The following ARHGAP15 variants were observed in gnomAD, a reference collection of about 807,000 sequenced individuals.
ARHGAP15 encodes the protein rho GTPase-activating protein 15.
A neutral mutation model predicts 63.7 loss-of-function variants in ARHGAP15; 51 were observed. That is an observed-to-expected ratio of 0.80 (90% CI 0.64 to 1.01). ARHGAP15 has a LOEUF of 1.01. Ranked by LOEUF, ARHGAP15 falls within the 50% of genes least tolerant of loss-of-function variation. The pLI is 0.00. For synonymous variants in ARHGAP15, 191 were observed against 193.8 expected (o/e 0.99, Z 0.12); for missense variants, 560 against 564.6 (o/e 0.99, Z 0.08).
At chr2:143,491,457 G>A (rs1374416002) in intron 9 of ARHGAP15, among the ~76,000 whole-genome samples, 1 of 152,170 alleles carries the variant, frequency 6.6e-6, no homozygotes, top group African/African-American at 2.4e-5. Flanking sequence ...GAAATGTTTA[G>A]TGTTTAGAAA....
chr2:143,375,461 T>G (rs972031010), intron 6 of ARHGAP15, among the ~76,000 whole-genome samples: 1 of 152,190 alleles, frequency 6.6e-6, no homozygotes, highest in Admixed American at 6.6e-5. Context: ...ATCACAGTTC[T>G]GCCAAGCACT....
chr2:143,213,600 ATAC>A (rs1692637913), intron 3 of ARHGAP15, among the ~76,000 whole-genome samples: 1 of 152,250 alleles, frequency 6.6e-6, no homozygotes, highest in South Asian at 2.1e-4. Flanking sequence ...GGACATAGAT[ATAC>A]TACGTGTAGA....
intron 9 of ARHGAP15, among the ~76,000 whole-genome samples, chr2:143,513,025 T>C (rs1693658044): frequency 6.6e-6 from 1 of 152,224 alleles, no homozygotes; most frequent in Non-Finnish European, 1.5e-5. Context: ...TGGTGACCTT[T>C]GATGTAACCA....
At chr2:143,625,789 G>A (rs1227903930) in intron 12 of ARHGAP15, among the ~76,000 whole-genome samples, 1 of 152,150 alleles carries the variant, frequency 6.6e-6, no homozygotes, top group African/African-American at 2.4e-5. Flanking sequence ...ATTTCTGATT[G>A]TGTACATTTA....
Position 143,253,628 on chromosome 2 carries a change from G to T in ARHGAP15, c.474+3028G>T, listed in dbSNP as rs149546465. On this transcript the variant is annotated intron_variant, in intron 6 of 13. Coordinates refer to ENST00000295095, the MANE Select transcript of ARHGAP15 (RefSeq NM_018460.4). ...ATATTTTATAACAGCACACTCTTTG[G>T]CCTAATTGGTACTTCTTAACAATAA... Among the ~76,000 whole-genome samples the T allele has an allele frequency of 4.7e-3, 713 of 151,652 alleles. 5 individuals are homozygous for T. The highest frequency in any genetic ancestry group is 0.012 in the Admixed American group (187 of 15,206).
chr2:143,210,888 C>A (rs934549790), intron 3 of ARHGAP15, among the ~76,000 whole-genome samples: 1 of 151,238 alleles, frequency 6.6e-6, no homozygotes, highest in African/African-American at 2.4e-5. Context: ...TTTGGTTTAC[C>A]ACTTCTTAAA....
chr2:143,626,099 T>C (rs2105244674), intron 12 of ARHGAP15, among the ~76,000 whole-genome samples: 1 of 152,268 alleles, frequency 6.6e-6, no homozygotes. Context: ...TTCAGAAATA[T>C]AGGCATGGTA....
In ARHGAP15 at chr2:143,768,120, C is replaced by T. The variant is rs1363163609; in HGVS notation, c.1376C>T (p.Ala459Val). 6.2e-7 allele frequency: 1 copy of T among 1,613,804 alleles called. No homozygotes were observed. The highest frequency in any genetic ancestry group is 1.7e-5 in the Admixed American group (1 of 59,988). Reference sequence around the variant, plus strand: ...CACATGGTCTACCAGAACCAGATAGCTGAGCTCATGCTGAGTGAGTACAGT... The same window carrying T: ...CACATGGTCTACCAGAACCAGATAGTTGAGCTCATGCTGAGTGAGTACAGT... ...AIHMVYQNQI[A>V]ELMLSEYSKI... Residue 459 changes from alanine (A) to valine (V), a missense_variant, in exon 14 of 14, where the codon GCT becomes GTT. Transcript: ENST00000295095.
rs549517308 is a variant in ARHGAP15, at chr2:143,546,206, C to T, written c.926-10202C>T. Among the ~76,000 whole-genome samples the T allele has an allele frequency of 9.2e-5, 14 of 151,960 alleles. No individual in the cohort carries two copies. In the South Asian group the frequency reaches 2.5e-3, roughly 27 times the overall value. ...TCCCAGCCAATGTTTAGAAAAAAAT[C>T]CAATGGAAAACAATGAGGTCACTTT... is the stretch of plus-strand genomic sequence containing the variant. On this transcript the variant is annotated intron_variant, in intron 10 of 13. Transcript: ENST00000295095.
chr2:143,626,733 C>A (rs1364832819), intron 12 of ARHGAP15, among the ~76,000 whole-genome samples: 1 of 152,130 alleles, frequency 6.6e-6, no homozygotes. Context: ...CATTTACAAT[C>A]CCCCTGCTAG....
chr2:143,460,636 T>C (rs1287288771), intron 8 of ARHGAP15, among the ~76,000 whole-genome samples: 2 of 152,196 alleles, frequency 1.3e-5, no homozygotes, highest in Non-Finnish European at 2.9e-5. Context: ...TTCTTTTTAA[T>C]ATCATTTTTT....
intron 2 of ARHGAP15, among the ~76,000 whole-genome samples, chr2:143,201,624 G>T (rs1692121936): frequency 6.6e-6 from 1 of 152,090 alleles, no homozygotes; most frequent in Non-Finnish European, 1.5e-5. Context: ...CAAGCTTGGT[G>T]GTTGATGCTG....
rs1698792138 is a variant in ARHGAP15, at chr2:143,625,272, C to T, written c.1138+1005C>T. Among the ~76,000 whole-genome samples the T allele has an allele frequency of 2.0e-5, 3 of 152,120 alleles. No homozygotes were observed. In the South Asian group the frequency reaches 6.2e-4, roughly 31 times the overall value. ...TGGATGGCTGGGTATGAAGTGTTCC[C>T]ATTAGCACAAGTGGAGATTTGGGGG... On this transcript the variant is annotated intron_variant, in intron 12 of 13. Transcript: ENST00000295095.
intron 12 of ARHGAP15, among the ~76,000 whole-genome samples, chr2:143,672,472 T>C (rs184501587): frequency 1.2e-3 from 187 of 152,306 alleles, no homozygotes; most frequent in Non-Finnish European, 2.1e-3. Flanking sequence ...AACTAATGGA[T>C]GTCACTACAG....
At chr2:143,304,574 G>T (rs1168420946) in intron 6 of ARHGAP15, among the ~76,000 whole-genome samples, 3 of 152,028 alleles carry the variant, frequency 2.0e-5, no homozygotes, top group Non-Finnish European at 4.4e-5. Flanking sequence ...TGCATGTTGT[G>T]CACATGTACC....
chr2:143,470,011 T>C (rs1306759582), intron 8 of ARHGAP15, among the ~76,000 whole-genome samples: 1 of 152,030 alleles, frequency 6.6e-6, no homozygotes, highest in Admixed American at 6.6e-5. Flanking sequence ...GAATTCTCTT[T>C]ATCATCCTCA....
At chr2:143,434,907 A>G (rs1336429825) in intron 6 of ARHGAP15, among the ~76,000 whole-genome samples, 2 of 152,138 alleles carry the variant, frequency 1.3e-5, no homozygotes, top group African/African-American at 4.8e-5. Context: ...ATGGACAGTT[A>G]CACGCTAAAT....
chr2:143,172,079 G>A (rs1690803668), intron 2 of ARHGAP15: 1 of 152,100 alleles, frequency 6.6e-6, no homozygotes, highest in African/African-American at 2.4e-5. Context: ...AAGGGAAGAA[G>A]GCATGTGCAA....
intron 12 of ARHGAP15, among the ~76,000 whole-genome samples, chr2:143,639,393 G>A (rs916890814): frequency 4.6e-5 from 7 of 152,020 alleles, no homozygotes; most frequent in African/African-American, 1.7e-4. Flanking sequence ...TGGGTCACTG[G>A]AAAAATTTTT....
Sources: gnomAD v4.1 joint callset for allele counts (sites outside exome capture counted in the v4.1 genomes callset) on GRCh38, gnomAD v4.1.1 for gene constraint, MANE v1.5 for transcripts, NCBI Gene and HGNC (gene_info 2026-07-23, HGNC 2026-07-21) for gene names.